WWP2: variants seen among roughly 807,000 people sequenced by gnomAD.
WWP2 encodes the protein NEDD4-like E3 ubiquitin-protein ligase WWP2.
A neutral mutation model predicts 121.0 loss-of-function variants in WWP2; 57 were observed. That is an observed-to-expected ratio of 0.47 (90% CI 0.38 to 0.59). WWP2 has a LOEUF of 0.59. WWP2 is among the 20% of genes least tolerant of loss of function. The pLI is 0.00. For missense variants in WWP2, 962 were observed against 1,158.9 expected (o/e 0.83, Z 2.47); for synonymous variants, 449 against 441.3 (o/e 1.02, Z -0.22).
At chr16:69,849,388 C>T (rs2057156103) in intron 6 of WWP2, among the ~76,000 whole-genome samples, 1 of 152,204 alleles carries the variant, frequency 6.6e-6, no homozygotes, top group Non-Finnish European at 1.5e-5. Flanking sequence ...GCAGGAAAGT[C>T]CTCCCATGCA....
chr16:69,777,430 A>G (rs1438709165), intron 1 of WWP2, among the ~76,000 whole-genome samples: 1 of 151,460 alleles, frequency 6.6e-6, no homozygotes, highest in African/African-American at 2.4e-5. Flanking sequence ...CCTCCTTATT[A>G]ACTGGGATTA....
At chr16:69,763,230 C>G (rs1037871239) in intron 1 of WWP2, among the ~76,000 whole-genome samples, 34 of 152,166 alleles carry the variant, frequency 2.2e-4, no homozygotes, top group African/African-American at 8.2e-4. Context: ...TCTCTTTCTT[C>G]CGTTTAAATT....
At chr16:69,766,916 A>G (rs984488874) in intron 1 of WWP2, among the ~76,000 whole-genome samples, 4 of 152,026 alleles carry the variant, frequency 2.6e-5, no homozygotes, top group African/African-American at 7.2e-5. Context: ...ACTATGTCCA[A>G]CTAATTTTTG....
rs904240278 is a variant in WWP2, at chr16:69,841,912, G to T, written c.479-112G>T. 1.5e-5 allele frequency: 15 copies of T among 1,020,700 alleles called. No individual in the cohort carries two copies. In the African/African-American group the frequency reaches 2.4e-4, roughly 16 times the overall value. The allele number at this position is 1,020,700 out of a possible 1,614,324, so 63.2% of individuals were successfully genotyped here. ...GCTTGCCGGATGTCCATATCCCGTG[G>T]TGGTGGGCAACTCTAACACACAGAC... On this transcript the variant is annotated intron_variant, in intron 5 of 23. Transcript: ENST00000359154.
chr16:69,808,696 C>T (rs2056330189), intron 4 of WWP2, among the ~76,000 whole-genome samples: 1 of 152,260 alleles, frequency 6.6e-6, no homozygotes, highest in African/African-American at 2.4e-5. Context: ...GCCACTGCGC[C>T]CGGCCATGGC....
In WWP2 at chr16:69,937,418, A is replaced by G. The variant is rs75168081; in HGVS notation, c.2239-130A>G. ...TTGTTTCAAGAAAGCAGGGACTTAC[A>G]TTACCCATATTATTAACGCTGACAC... On this transcript the variant is annotated intron_variant, in intron 20 of 23. Coordinates refer to ENST00000359154, the MANE Select transcript of WWP2 (RefSeq NM_001270454.2). This position sits in a 1 kb window ranked among gnomAD's most constrained non-coding sequence, Gnocchi z 6.6. 2 of 1,339,306 alleles carry G rather than the reference A, an allele frequency of 1.5e-6. No individual in the cohort carries two copies. The highest frequency in any genetic ancestry group is 2.1e-6 in the Non-Finnish European group (2 of 971,164). 83.0% of individuals were successfully genotyped at this position (1,339,306 alleles called of 1,614,324 possible).
intron 6 of WWP2, among the ~76,000 whole-genome samples, chr16:69,869,655 GT>G (rs891947011): frequency 9.9e-5 from 15 of 152,192 alleles, no homozygotes; most frequent in African/African-American, 3.4e-4. Flanking sequence ...AAAAAGTCAT[GT>G]TTTTTTCCTT....
At chr16:69,829,904 T>G (rs1217782268) in intron 4 of WWP2, among the ~76,000 whole-genome samples, 1 of 151,586 alleles carries the variant, frequency 6.6e-6, no homozygotes, top group Non-Finnish European at 1.5e-5. Flanking sequence ...AATCCTCTTG[T>G]CTCAGCCTCC....
intron 9 of WWP2, among the ~76,000 whole-genome samples, chr16:69,916,843 A>C (rs1364440639): frequency 6.6e-6 from 1 of 152,118 alleles, no homozygotes; most frequent in Non-Finnish European, 1.5e-5. Context: ...AGGGGAAACC[A>C]TTTTTAGGGA....
intron 4 of WWP2, among the ~76,000 whole-genome samples, chr16:69,825,146 T>C (rs1435478809): frequency 1.1e-5 from 1 of 87,272 alleles, no homozygotes; most frequent in East Asian, 3.8e-4. Context: ...CGATACTGGC[T>C]GGGTGCAGTG....
At chr16:69,856,515 G>T (rs1197679174) in intron 6 of WWP2, among the ~76,000 whole-genome samples, 2 of 152,136 alleles carry the variant, frequency 1.3e-5, no homozygotes, top group Admixed American at 1.3e-4. Context: ...GGTGGCTCAC[G>T]CCTGTAATCC....
At chr16:69,909,564 A>G in intron 9 of WWP2, 1 of 985,436 alleles carries the variant, frequency 1.0e-6, no homozygotes, top group Non-Finnish European at 1.2e-6. Flanking sequence ...CCAGTTTTCC[A>G]GTAGAATGCT....
At chr16:69,893,983 C>A (rs372242148) in intron 8 of WWP2, among the ~76,000 whole-genome samples, 1 of 152,182 alleles carries the variant, frequency 6.6e-6, no homozygotes, top group Non-Finnish European at 1.5e-5. Flanking sequence ...GTCTTTCTAA[C>A]TTTATCTTCT....
chr16:69,815,643 C>T (rs12926791), intron 4 of WWP2, among the ~76,000 whole-genome samples: 1 of 151,518 alleles, frequency 6.6e-6, no homozygotes, highest in Non-Finnish European at 1.5e-5. Flanking sequence ...ACAAATTAGC[C>T]GGGTGTGGTG....
At chr16:69,881,874 G>T (rs1490652002) in intron 7 of WWP2, among the ~76,000 whole-genome samples, 1 of 152,160 alleles carries the variant, frequency 6.6e-6, no homozygotes, top group African/African-American at 2.4e-5. Flanking sequence ...TCTATTTTTA[G>T]TAGAGACAGA....
Position 69,935,080 on chromosome 16 carries a change from G to A in WWP2, c.1843-773G>A, listed in dbSNP as rs886558672. Among the ~76,000 whole-genome samples, 1 of 152,214 alleles carries A rather than the reference G, an allele frequency of 6.6e-6. No individual in the cohort carries two copies. The highest frequency in any genetic ancestry group is 1.5e-5 in the Non-Finnish European group (1 of 68,034). ...CCACGTGCCCCGTTGAGGGTCCTGGGAGCGTGGAGAACCCGGATTGAGAAG... is the reference window on the plus strand; with the variant it reads ...CCACGTGCCCCGTTGAGGGTCCTGGAAGCGTGGAGAACCCGGATTGAGAAG... On this transcript the variant is annotated intron_variant, in intron 17 of 23. Transcript: ENST00000359154. The surrounding 1 kb of genome is among the most constrained non-coding windows in gnomAD (Gnocchi z 5.2).
At chr16:69,816,101 C>G (rs988303227) in intron 4 of WWP2, among the ~76,000 whole-genome samples, 15 of 152,126 alleles carry the variant, frequency 9.9e-5, no homozygotes, top group Non-Finnish European at 5.9e-5. Context: ...ACTGCTAACC[C>G]AGTCCTGCAT....
At chr16:69,792,147 C>T (rs1157943385) in intron 2 of WWP2, among the ~76,000 whole-genome samples, 1 of 152,142 alleles carries the variant, frequency 6.6e-6, no homozygotes, top group African/African-American at 2.4e-5. Flanking sequence ...TTCCAGTTCC[C>T]TTGTGCCTGC....
chr16:69,930,377 C>T (rs1370584252), intron 13 of WWP2, 119 bp downstream of exon 13: 4 of 1,446,310 alleles, frequency 2.8e-6, no homozygotes, highest in Non-Finnish European at 3.7e-6. Context: ...CCCTTACTGC[C>T]CTCTAGTGGC....
Sources: allele counts gnomAD v4.1 joint callset (sites outside exome capture counted in the v4.1 genomes callset), GRCh38; gene constraint gnomAD v4.1.1; non-coding constraint Gnocchi (gnomAD v3.1); transcripts MANE v1.5; gene names NCBI Gene and HGNC (gene_info 2026-07-23, HGNC 2026-07-21).